Variants in DCC observed in about 807,000 individuals in gnomAD.
DCC encodes DCC netrin 1 receptor.
DCC carries 58 observed loss-of-function variants against 172.5 expected under a neutral mutation model. That is an observed-to-expected ratio of 0.34 (90% CI 0.27 to 0.42). DCC has a LOEUF of 0.42. DCC is among the 10% of genes least tolerant of loss of function. DCC has a pLI of 1.00. For missense variants in DCC, 1,740 were observed against 1,791.0 expected (o/e 0.97, Z 0.51); for synonymous variants, 709 against 644.5 (o/e 1.10, Z -1.52).
intron 1 of DCC, among the ~76,000 whole-genome samples, chr18:52,385,228 T>C (rs986171505): frequency 2.0e-5 from 3 of 152,150 alleles, no homozygotes; most frequent in Admixed American, 6.5e-5. Context: ...ATGTGTGGTA[T>C]GAAATAGCCA....
At chr18:53,257,074 CTT>C (rs1394710115) in intron 12 of DCC, among the ~76,000 whole-genome samples, 2 of 152,174 alleles carry the variant, frequency 1.3e-5, no homozygotes, top group African/African-American at 2.4e-5. Flanking sequence ...TATCCTGAGA[CTT>C]TGCTGAAGTT....
intron 2 of DCC, among the ~76,000 whole-genome samples, chr18:52,798,437 C>G (rs369715382): frequency 6.6e-6 from 1 of 152,168 alleles, no homozygotes. Flanking sequence ...CTCCTGACTT[C>G]AGGTGATCCT....
At chr18:52,712,542 C>T (rs1204037105) in intron 1 of DCC, among the ~76,000 whole-genome samples, 2 of 152,110 alleles carry the variant, frequency 1.3e-5, no homozygotes, top group African/African-American at 2.4e-5. Flanking sequence ...GATCTCAAAG[C>T]AGGTAGAATT....
At chr18:52,790,313 AAGC>A (rs2145203781) in intron 2 of DCC, among the ~76,000 whole-genome samples, 1 of 152,312 alleles carries the variant, frequency 6.6e-6, no homozygotes, top group African/African-American at 2.4e-5. Flanking sequence ...AAGACACACA[AAGC>A]ACACCAGATT....
chr18:52,547,072 C>A (rs1363010730), intron 1 of DCC, among the ~76,000 whole-genome samples: 1 of 152,090 alleles, frequency 6.6e-6, no homozygotes, highest in African/African-American at 2.4e-5. Flanking sequence ...ATCTAAAGTT[C>A]CTCATCATTA....
intron 1 of DCC, among the ~76,000 whole-genome samples, chr18:52,718,235 T>A (rs1599044231): frequency 6.9e-6 from 1 of 145,650 alleles, no homozygotes; most frequent in Non-Finnish European, 1.5e-5. Context: ...GCTAAAAAAA[T>A]TAGTTGATTT....
chr18:52,803,699 G>A (rs537051148), intron 2 of DCC, among the ~76,000 whole-genome samples: 3 of 152,158 alleles, frequency 2.0e-5, no homozygotes, highest in Non-Finnish European at 4.4e-5. Flanking sequence ...CTACATATAA[G>A]TGGAGCCTCA....
chr18:52,358,690 C>A (rs1984486918), intron 1 of DCC, among the ~76,000 whole-genome samples: 2 of 152,156 alleles, frequency 1.3e-5, no homozygotes, highest in Non-Finnish European at 2.9e-5. Context: ...TGGCATCCTG[C>A]AATGCTTTCC....
chr18:53,020,881 G>A (rs4078288), intron 5 of DCC, among the ~76,000 whole-genome samples: 110,405 of 151,830 alleles, frequency 0.73, 40,313 homozygotes, highest in East Asian at 0.75. Flanking sequence ...CGGATTAATG[G>A]TAGTTCCAAT....
intron 20 of DCC, among the ~76,000 whole-genome samples, chr18:53,415,491 GA>G (rs1004411756): frequency 5.1e-4 from 77 of 150,192 alleles, no homozygotes; most frequent in South Asian, 1.3e-3. Flanking sequence ...CTGGTTAGCA[GA>G]AAAAAAAAGT....
intron 5 of DCC, among the ~76,000 whole-genome samples, chr18:53,035,240 G>A (rs541463460): frequency 6.6e-6 from 1 of 151,792 alleles, no homozygotes; most frequent in East Asian, 1.9e-4. Context: ...ATACAATAAA[G>A]TAGCCTATGG....
intron 5 of DCC, among the ~76,000 whole-genome samples, chr18:52,973,433 C>T (rs1299737000): frequency 6.6e-6 from 1 of 152,122 alleles, no homozygotes; most frequent in Non-Finnish European, 1.5e-5. Context: ...ATACTGGTTA[C>T]ATAACTTGCT....
At chr18:53,146,132 TGA>T (rs1442214913) in intron 7 of DCC, among the ~76,000 whole-genome samples, 2 of 152,198 alleles carry the variant, frequency 1.3e-5, no homozygotes, top group African/African-American at 2.4e-5. Context: ...CTTGGGAGGC[TGA>T]GTCTTGAACC....
intron 2 of DCC, among the ~76,000 whole-genome samples, chr18:52,810,642 T>C (rs1247463163): frequency 1.3e-5 from 2 of 151,972 alleles, no homozygotes; most frequent in Non-Finnish European, 2.9e-5. Context: ...CACTGATTGG[T>C]TGGTGAGTAT....
chr18:52,388,062 CA>C (rs1985886302), intron 1 of DCC, among the ~76,000 whole-genome samples: 1 of 151,994 alleles, frequency 6.6e-6, no homozygotes, highest in South Asian at 2.1e-4. Context: ...TGGTACCAGG[CA>C]GGGCTCAGCC....
intron 13 of DCC, among the ~76,000 whole-genome samples, chr18:53,316,116 G>A (rs2057340945): frequency 6.6e-6 from 1 of 152,130 alleles, no homozygotes; most frequent in Non-Finnish European, 1.5e-5. Flanking sequence ...AATCCATCTT[G>A]AGTTAATTTT....
At chr18:52,992,509 T>G (rs2041409540) in intron 5 of DCC, among the ~76,000 whole-genome samples, 1 of 152,158 alleles carries the variant, frequency 6.6e-6, no homozygotes, top group African/African-American at 2.4e-5. Context: ...GGTTAATTTC[T>G]TTATCCAGTT....
chr18:53,252,528 A>G (rs1437249653), intron 12 of DCC, among the ~76,000 whole-genome samples: 1 of 151,978 alleles, frequency 6.6e-6, no homozygotes, highest in Non-Finnish European at 1.5e-5. Flanking sequence ...AAGAATTTCT[A>G]GTTAGTGCAA....
chr18:52,450,806 C>T (rs1988279604), intron 1 of DCC, among the ~76,000 whole-genome samples: 1 of 152,124 alleles, frequency 6.6e-6, no homozygotes, highest in South Asian at 2.1e-4. Flanking sequence ...ATGGCTACCA[C>T]TATAGGTATC....
Sources: allele counts gnomAD v4.1 joint callset (sites outside exome capture counted in the v4.1 genomes callset), GRCh38; gene constraint gnomAD v4.1.1; transcripts MANE v1.5; gene names NCBI Gene and HGNC (gene_info 2026-07-23, HGNC 2026-07-21).